The following ANGPT1 variants were observed in gnomAD, a reference collection of about 807,000 sequenced individuals.
ANGPT1 encodes the protein angiopoietin-1.
In ANGPT1, 17 loss-of-function variants were observed where a neutral mutation model predicts 62.2. The observed-to-expected ratio is 0.27, with a 90% CI of 0.19 to 0.41. ANGPT1 has a LOEUF of 0.41. ANGPT1 is among the 10% of genes least tolerant of loss of function. The probability of loss-of-function intolerance (pLI) is 1.00; values close to 1 mark genes in which losing one functional copy is unlikely to be tolerated. For missense variants in ANGPT1, 478 were observed against 594.9 expected (o/e 0.80, Z 2.04); for synonymous variants, 199 against 198.9 (o/e 1.00, Z 0.00).
At chr8:107,397,632 A>C (rs1468419886) in intron 1 of ANGPT1, among the ~76,000 whole-genome samples, 1 of 152,156 alleles carries the variant, frequency 6.6e-6, no homozygotes, top group African/African-American at 2.4e-5. Flanking sequence ...TTCTAACCTT[A>C]AGTAGGGACT....
chr8:107,293,844 A>G, intron 6 of ANGPT1, 92 bp downstream of exon 6: 1 of 962,728 alleles, frequency 1.0e-6, no homozygotes, highest in Non-Finnish European at 1.5e-6. Flanking sequence ...ATAACTCAAA[A>G]CCACCTAAAA....
chr8:107,440,090 A>T (rs1225091991), intron 1 of ANGPT1, among the ~76,000 whole-genome samples: 1 of 152,140 alleles, frequency 6.6e-6, no homozygotes, highest in Non-Finnish European at 1.5e-5. Context: ...CTAAGTAAAG[A>T]TGTTCCATAA....
chr8:107,294,119 AG>A, intron 5 of ANGPT1, 82 bp from the exon 6 acceptor site: 2 of 1,118,750 alleles, frequency 1.8e-6, no homozygotes, highest in Non-Finnish European at 1.3e-6. Flanking sequence ...AATAGGAATA[AG>A]GCGAACAGGT....
intron 1 of ANGPT1, among the ~76,000 whole-genome samples, chr8:107,388,639 C>CTAG (rs890917978): frequency 2.6e-5 from 4 of 152,070 alleles, no homozygotes; most frequent in African/African-American, 9.7e-5. Flanking sequence ...ATAGCATAGT[C>CTAG]TCTAGAGTGG....
chr8:107,497,711 G>T lies in ANGPT1; in HGVS notation c.-153C>A. The T allele has an allele frequency of 1.2e-6, 1 of 815,434 alleles. No individual in the cohort carries two copies. The highest frequency in any genetic ancestry group is 1.8e-6 in the Non-Finnish European group (1 of 543,666). The allele number at this position is 815,434 out of a possible 1,614,324, so 50.5% of individuals were successfully genotyped here. ...TTTGAAGAAGAATCATAGAAAACTA[G>T]CCATTTGTTAGCTTTGTTCTAAAAT... On this transcript the variant is annotated 5_prime_UTR_variant, in exon 1 of 9. Transcript: ENST00000517746.
At chr8:107,486,224 A>G (rs560333337) in intron 1 of ANGPT1, among the ~76,000 whole-genome samples, 4 of 152,330 alleles carry the variant, frequency 2.6e-5, no homozygotes, top group Admixed American at 2.6e-4. Flanking sequence ...GAGGATTGAC[A>G]AGAGGAGACA....
chr8:107,254,982 TAA>T (rs1004731317), intron 8 of ANGPT1, among the ~76,000 whole-genome samples: 1 of 144,952 alleles, frequency 6.9e-6, no homozygotes. Context: ...TGTGACAGCT[TAA>T]AAAAAAAAAG....
chr8:107,393,838 T>TG (rs937494999), intron 1 of ANGPT1, among the ~76,000 whole-genome samples: 47 of 151,922 alleles, frequency 3.1e-4, no homozygotes, highest in African/African-American at 1.1e-3. Flanking sequence ...AACAAAAAAA[T>TG]GGGGGATGAA....
At chr8:107,372,036 G>GA (rs201174555) in intron 1 of ANGPT1, among the ~76,000 whole-genome samples, 40 of 150,860 alleles carry the variant, frequency 2.7e-4, no homozygotes, top group East Asian at 9.7e-4. Flanking sequence ...GAAATTACTA[G>GA]AAAAAAAAAT....
At chr8:107,367,220 G>C (rs536828873) in intron 1 of ANGPT1, among the ~76,000 whole-genome samples, 1 of 152,044 alleles carries the variant, frequency 6.6e-6, no homozygotes, top group Non-Finnish European at 1.5e-5. Context: ...CAATCTTTTT[G>C]GTTTCTCAGT....
chr8:107,297,310 G>A (rs1586198334), intron 5 of ANGPT1, among the ~76,000 whole-genome samples: 1 of 152,006 alleles, frequency 6.6e-6, no homozygotes, highest in East Asian at 1.9e-4. Flanking sequence ...GGTTAATAGC[G>A]CCAACTTGAG....
In ANGPT1 at chr8:107,362,681, G is replaced by A. The variant is rs895368553; in HGVS notation, c.298-15584C>T. ...CCAAGGGTTCTCATGTCACAGAGAT[G>A]TGTTTAATATGAGATGTGTTATATT... is the stretch of plus-strand genomic sequence containing the variant. On this transcript the variant is annotated intron_variant, in intron 1 of 8. Transcript: ENST00000517746. Among the ~76,000 whole-genome samples the A allele has an allele frequency of 6.6e-5, 10 of 152,290 alleles. No individual in the cohort carries two copies. The East Asian group carries it at 1.9e-3, about 29-fold the overall frequency.
intron 1 of ANGPT1, among the ~76,000 whole-genome samples, chr8:107,348,003 C>T (rs530388224): frequency 6.6e-6 from 1 of 152,278 alleles, no homozygotes; most frequent in African/African-American, 2.4e-5. Flanking sequence ...GAAACCTGCA[C>T]CTCCCTGTCA....
intron 5 of ANGPT1, among the ~76,000 whole-genome samples, chr8:107,298,569 T>C (rs1814475769): frequency 6.6e-6 from 1 of 151,896 alleles, no homozygotes; most frequent in South Asian, 2.1e-4. Context: ...AAAAGTTAAA[T>C]AGTCCTAGAA....
intron 1 of ANGPT1, among the ~76,000 whole-genome samples, chr8:107,483,805 A>T (rs1039286211): frequency 6.6e-6 from 1 of 152,232 alleles, no homozygotes; most frequent in Non-Finnish European, 1.5e-5. Flanking sequence ...GTTTTAAAAT[A>T]TTATCTTTAT....
intron 1 of ANGPT1, among the ~76,000 whole-genome samples, chr8:107,393,655 C>G (rs1025331835): frequency 9.2e-5 from 14 of 151,960 alleles, no homozygotes; most frequent in Non-Finnish European, 2.1e-4. Context: ...ACTAAAAATA[C>G]AAAAATTAGC....
chr8:107,267,395 G>A (rs538834243), intron 7 of ANGPT1, among the ~76,000 whole-genome samples: 192 of 152,148 alleles, frequency 1.3e-3, no homozygotes, highest in African/African-American at 4.1e-3. Flanking sequence ...AGGTATATAG[G>A]TATAGGTATT....
intron 4 of ANGPT1, among the ~76,000 whole-genome samples, chr8:107,309,103 T>G (rs1289588248): frequency 1.3e-5 from 2 of 152,160 alleles, no homozygotes; most frequent in Non-Finnish European, 2.9e-5. Context: ...CCAGAGACAG[T>G]GTAAAAAGCC....
At chr8:107,370,610 A>G (rs10100579) in intron 1 of ANGPT1, among the ~76,000 whole-genome samples, 110,398 of 148,382 alleles carry the variant, frequency 0.74, 41,913 homozygotes, top group East Asian at 0.87. Flanking sequence ...GGCTGAGGCA[A>G]GGGAATCACT....
Sources: gnomAD v4.1 joint callset for allele counts (sites outside exome capture counted in the v4.1 genomes callset) on GRCh38, gnomAD v4.1.1 for gene constraint, MANE v1.5 for transcripts, NCBI Gene and HGNC (gene_info 2026-07-23, HGNC 2026-07-21) for gene names.